The following CFAP61 variants were observed in gnomAD, a reference collection of about 807,000 sequenced individuals.
CFAP61 encodes the protein cilia- and flagella-associated protein 61.
Under a neutral mutation model 135.6 loss-of-function variants are expected in CFAP61, and 107 were observed. That is an observed-to-expected ratio of 0.79 (90% CI 0.67 to 0.93). The LOEUF (loss-of-function observed/expected upper bound fraction) is 0.93. CFAP61 is among the 40% of genes least tolerant of loss of function. The pLI, the probability that CFAP61 is intolerant of heterozygous loss-of-function variation, is 0.00. For synonymous variants in CFAP61, 575 were observed against 578.5 expected, an observed-to-expected ratio of 0.99 and a Z score of 0.09; for missense variants, 1,507 against 1,556.2, an observed-to-expected ratio of 0.97 and a Z score of 0.53.
At chr20:20,063,307 A>T (rs902204313) in intron 2 of CFAP61, among the ~76,000 whole-genome samples, 4 of 152,348 alleles carry the variant, frequency 2.6e-5, no homozygotes, top group African/African-American at 9.6e-5. Context: ...CCAATCTCAC[A>T]TAGAAAGAGA....
At position 20,277,147 on chromosome 20, in the gene CFAP61, GT is replaced by G. The variant is rs1430987131; in HGVS notation, c.2504-15del. 6.3e-7 allele frequency: 1 copy of G among 1,580,470 alleles called. No homozygotes were observed. The highest frequency in any genetic ancestry group is 1.7e-5 in the Admixed American group (1 of 58,894). ...GGTTTTCTGAACTGTATATCTTAGC[GT>G]TTTCCCTTCTTTCCTAGGGAATATC... is the stretch of plus-strand genomic sequence containing the variant. On this transcript the variant is annotated intron_variant, in intron 21 of 26. Coordinates refer to ENST00000245957, the MANE Select transcript of CFAP61 (RefSeq NM_015585.4).
intron 7 of CFAP61, among the ~76,000 whole-genome samples, chr20:20,095,389 T>C (rs951525995): frequency 9.2e-5 from 14 of 152,194 alleles, no homozygotes; most frequent in African/African-American, 3.4e-4. Flanking sequence ...GTCCATCAAG[T>C]TTGTCTTTCT....
At chr20:20,119,527 G>A (rs2049444915) in intron 8 of CFAP61, among the ~76,000 whole-genome samples, 1 of 151,938 alleles carries the variant, frequency 6.6e-6, no homozygotes, top group Non-Finnish European at 1.5e-5. Flanking sequence ...CTAAAGGTTT[G>A]TCTATTTTTG....
chr20:20,127,954 G>A (rs2050202449), intron 8 of CFAP61, among the ~76,000 whole-genome samples: 1 of 151,544 alleles, frequency 6.6e-6, no homozygotes, highest in South Asian at 2.1e-4. Flanking sequence ...AGTCATGCAG[G>A]TTGTCAGGGA....
At chr20:20,265,334 TAGC>T (rs1212872816) in intron 21 of CFAP61, 5 of 778,328 alleles carry the variant, frequency 6.4e-6, no homozygotes, top group Non-Finnish European at 1.2e-5. Flanking sequence ...GGAATATTGA[TAGC>T]AGAGAATTTA....
chr20:20,289,680 C>T (rs1413994074), intron 23 of CFAP61, among the ~76,000 whole-genome samples: 1 of 152,212 alleles, frequency 6.6e-6, no homozygotes, highest in Non-Finnish European at 1.5e-5. Context: ...TCCTTGTCTT[C>T]CTCTTCCTAA....
chr20:20,254,785 C>T (rs984982689), intron 20 of CFAP61, among the ~76,000 whole-genome samples: 49 of 152,270 alleles, frequency 3.2e-4, no homozygotes, highest in South Asian at 6.2e-4. Flanking sequence ...AATGACAAAC[C>T]GCAACCTCTA....
chr20:20,159,488 T>TG, intron 10 of CFAP61, 44 bp downstream of exon 10: 1 of 1,507,826 alleles, frequency 6.6e-7, no homozygotes, highest in Non-Finnish European at 9.2e-7. Flanking sequence ...AGCCACCCCA[T>TG]GGGTTTCACA....
At chr20:20,267,725 A>C (rs933607716) in intron 21 of CFAP61, 14 of 152,136 alleles carry the variant, frequency 9.2e-5, no homozygotes, top group African/African-American at 3.4e-4. Context: ...TTGAAGGGTG[A>C]GTTAAACAGG....
At position 20,159,396 on chromosome 20, in the gene CFAP61, C is replaced by G. The variant is rs188499965; in HGVS notation, c.978C>G (p.Ser326=). 6.2e-7 allele frequency: 1 copy of G among 1,613,952 alleles called. No homozygotes were observed. Among genetic ancestry groups the G allele is most frequent in the Non-Finnish European group, 8.5e-7 (1 of 1,179,848 alleles). The change falls in exon 10 of 27, where the codon TCC becomes TCG. Residue 326 remains serine, a synonymous_variant. Transcript: ENST00000245957. ...IQGNIAREAA[S]EEALTAVQSG... is the part of the protein sequence containing the mutation. ...GAAATATTGCCAGAGAAGCTGCATC[C>G]GAGGAAGCTTTAACAGCAGTCCAAA...
At chr20:20,244,036 C>G (rs2050231482) in intron 18 of CFAP61, among the ~76,000 whole-genome samples, 2 of 152,204 alleles carry the variant, frequency 1.3e-5, no homozygotes, top group African/African-American at 4.8e-5. Context: ...CATGCTGATG[C>G]AAGAGGTGGG....
intron 24 of CFAP61, among the ~76,000 whole-genome samples, chr20:20,294,821 G>T (rs35718396): frequency 5.3e-5 from 8 of 150,544 alleles, no homozygotes; most frequent in African/African-American, 1.7e-4. Context: ...CCAGCTACTC[G>T]GGAGGCTGAG....
At chr20:20,168,429 C>T (rs970061910) in intron 12 of CFAP61, among the ~76,000 whole-genome samples, 1 of 152,182 alleles carries the variant, frequency 6.6e-6, no homozygotes, top group Non-Finnish European at 1.5e-5. Context: ...ATCTTTTTCT[C>T]GTACTGAGTC....
chr20:20,186,673 G>T (rs1045320338), intron 13 of CFAP61, among the ~76,000 whole-genome samples: 2 of 152,020 alleles, frequency 1.3e-5, no homozygotes, highest in South Asian at 2.1e-4. Context: ...GGTATTAATT[G>T]TTCATCTTTT....
chr20:20,332,243 T>C (rs994638043), intron 25 of CFAP61, among the ~76,000 whole-genome samples: 2 of 152,238 alleles, frequency 1.3e-5, no homozygotes, highest in African/African-American at 4.8e-5. Context: ...CCCGCGGCTG[T>C]GCTTTCAGGA....
chr20:20,128,353 G>A (rs2050237110), intron 8 of CFAP61, among the ~76,000 whole-genome samples: 1 of 151,684 alleles, frequency 6.6e-6, no homozygotes, highest in African/African-American at 2.4e-5. Context: ...GAGTTCCCAG[G>A]GCCTTTCCCA....
At chr20:20,095,046 AATTAT>A (rs1164744553) in intron 7 of CFAP61, among the ~76,000 whole-genome samples, 1 of 152,200 alleles carries the variant, frequency 6.6e-6, no homozygotes, top group Non-Finnish European at 1.5e-5. Flanking sequence ...CAGTGTAATA[AATTAT>A]ATTAAAACAA....
chr20:20,303,672 C>T (rs572292435), intron 25 of CFAP61, among the ~76,000 whole-genome samples: 11 of 152,148 alleles, frequency 7.2e-5, no homozygotes, highest in Admixed American at 1.3e-4. Context: ...TGATTTTGGC[C>T]GCGATATGAT....
intron 22 of CFAP61, among the ~76,000 whole-genome samples, chr20:20,278,571 A>G (rs769822631): frequency 6.6e-6 from 1 of 152,162 alleles, no homozygotes; most frequent in Non-Finnish European, 1.5e-5. Context: ...AATGCCTGCT[A>G]ACATCCAGTG....
Sources: allele counts gnomAD v4.1 joint callset (sites outside exome capture counted in the v4.1 genomes callset), GRCh38; gene constraint gnomAD v4.1.1; transcripts MANE v1.5; gene names NCBI Gene and HGNC (gene_info 2026-07-23, HGNC 2026-07-21).